The following RNLS variants were observed in gnomAD, a reference collection of about 807,000 sequenced individuals.
RNLS encodes renalase.
RNLS carries 39 observed loss-of-function variants against 39.8 expected under a neutral mutation model. The ratio of observed to expected loss-of-function variants is 0.98; its 90% CI spans 0.76 to 1.28. The LOEUF (loss-of-function observed/expected upper bound fraction) is 1.28, where lower values mean the gene tolerates loss of function less well. Among genes scored for constraint, RNLS ranks in the 50% most tolerant of loss-of-function variants. RNLS has a pLI of 0.00. For synonymous variants in RNLS, 147 were observed against 150.7 expected (o/e 0.98, Z 0.18); for missense variants, 410 against 413.3 (o/e 0.99, Z 0.07).
chr10:88,322,970 T>C lies in RNLS; in HGVS notation c.701-8329A>G, dbSNP rs77756318. Among the ~76,000 whole-genome samples, 615 of 152,208 alleles carry C rather than the reference T, an allele frequency of 4.0e-3. 3 individuals are homozygous for C. The highest frequency in any genetic ancestry group is 0.029 in the South Asian group (139 of 4,812). On this transcript the variant is annotated intron_variant, in intron 5 of 6. Transcript: ENST00000331772. ...CAAAAATAATGCACAAAAAAATCAGTTGCATTCCTATACACCAGCAACACT... is the reference window on the plus strand; with the variant it reads ...CAAAAATAATGCACAAAAAAATCAGCTGCATTCCTATACACCAGCAACACT...
At chr10:88,295,735 G>A (rs1422699961) in intron 6 of RNLS, among the ~76,000 whole-genome samples, 1 of 152,140 alleles carries the variant, frequency 6.6e-6, no homozygotes, top group Non-Finnish European at 1.5e-5. Context: ...GGCAGAATGT[G>A]CCACAAATCA....
intron 4 of RNLS, among the ~76,000 whole-genome samples, chr10:88,370,875 T>C (rs769438455): frequency 6.6e-6 from 1 of 152,142 alleles, no homozygotes; most frequent in African/African-American, 2.4e-5. Flanking sequence ...TGGAATAAAT[T>C]GAATGTTAAC....
At chr10:88,321,210 T>C (rs1846162656) in intron 5 of RNLS, among the ~76,000 whole-genome samples, 1 of 152,020 alleles carries the variant, frequency 6.6e-6, no homozygotes, top group Admixed American at 6.6e-5. Context: ...GACTTTTGGG[T>C]AAACAAAAGA....
chr10:88,248,268 T>C, the RNLS span, among the ~76,000 whole-genome samples: 1 of 152,230 alleles, frequency 6.6e-6, no homozygotes, highest in East Asian at 1.9e-4. Flanking sequence ...ATCTACCTAC[T>C]GTTCTCAAAA....
chr10:88,560,827 A>G (rs1310759458), intron 4 of RNLS, among the ~76,000 whole-genome samples: 3 of 152,066 alleles, frequency 2.0e-5, no homozygotes, highest in African/African-American at 7.2e-5. Context: ...CTACATATAG[A>G]CCATCATGGA....
chr10:88,471,145 G>T lies in RNLS; in HGVS notation c.526+101758C>A, dbSNP rs1843498474. On this transcript the variant is annotated intron_variant, in intron 4 of 6. Transcript: ENST00000331772. The stretch of plus-strand genomic sequence containing the variant: ...GGAAAATATTTAAGTAAAGCACTTA[G>T]CACAAGGCTGGAACAGAATGTGCTC... Among the ~76,000 whole-genome samples, 3 of 152,240 alleles carry T rather than the reference G, an allele frequency of 2.0e-5. No individual in the cohort carries two copies. The South Asian group carries it at 6.2e-4, about 32-fold the overall frequency.
At chr10:88,535,531 T>C (rs1250527445) in intron 4 of RNLS, among the ~76,000 whole-genome samples, 2 of 151,968 alleles carry the variant, frequency 1.3e-5, no homozygotes, top group Non-Finnish European at 2.9e-5. Context: ...CAAACCACCA[T>C]GGCACACGTT....
At chr10:88,426,919 A>G (rs1207871143) in intron 4 of RNLS, among the ~76,000 whole-genome samples, 2 of 152,164 alleles carry the variant, frequency 1.3e-5, no homozygotes, top group East Asian at 3.9e-4. Context: ...AAATGGGTGG[A>G]GTAAATTGAT....
At chr10:88,321,908 C>T (rs1414893887) in intron 5 of RNLS, among the ~76,000 whole-genome samples, 1 of 152,174 alleles carries the variant, frequency 6.6e-6, no homozygotes, top group African/African-American at 2.4e-5. Flanking sequence ...CTCAATGAAA[C>T]GATTCCAAAA....
chr10:88,171,741 G>A, the RNLS span, among the ~76,000 whole-genome samples: 2 of 152,020 alleles, frequency 1.3e-5, no homozygotes, highest in African/African-American at 2.4e-5. Context: ...ATGAATTATT[G>A]TTAACTATAA....
intron 3 of RNLS, among the ~76,000 whole-genome samples, chr10:88,581,182 T>A (rs898670716): frequency 2.0e-5 from 3 of 151,646 alleles, no homozygotes; most frequent in Admixed American, 2.0e-4. Context: ...GATATGAAAA[T>A]AGATCCAAGA....
intron 4 of RNLS, among the ~76,000 whole-genome samples, chr10:88,453,993 A>T (rs1842484379): frequency 6.6e-6 from 1 of 152,216 alleles, no homozygotes; most frequent in Non-Finnish European, 1.5e-5. Flanking sequence ...TGGCAATATC[A>T]ATTTCACAGA....
intron 4 of RNLS, among the ~76,000 whole-genome samples, chr10:88,416,220 TTATATA>T (rs1007425786): frequency 6.7e-5 from 10 of 148,268 alleles, no homozygotes; most frequent in South Asian, 2.1e-4. Flanking sequence ...TATATCTGAA[TTATATA>T]TATATATATA....
At chr10:88,263,469 A>G in the RNLS span, among the ~76,000 whole-genome samples, 1 of 152,214 alleles carries the variant, frequency 6.6e-6, no homozygotes, top group Non-Finnish European at 1.5e-5. Context: ...TGTGAAGATA[A>G]TGAGGCTGTA....
chr10:88,380,237 A>C (rs923002274), intron 4 of RNLS, among the ~76,000 whole-genome samples: 2 of 152,068 alleles, frequency 1.3e-5, no homozygotes, highest in Admixed American at 6.6e-5. Context: ...TATTTTCTGC[A>C]TATTAATCCT....
At chr10:88,417,458 T>C (rs552283145) in intron 4 of RNLS, among the ~76,000 whole-genome samples, 1 of 152,338 alleles carries the variant, frequency 6.6e-6, no homozygotes, top group East Asian at 1.9e-4. Context: ...TGGAGAATTT[T>C]TATCAGTAAA....
At chr10:88,566,295 C>A (rs547126328) in intron 4 of RNLS, among the ~76,000 whole-genome samples, 15 of 151,866 alleles carry the variant, frequency 9.9e-5, no homozygotes, top group African/African-American at 3.1e-4. Flanking sequence ...TTCTATTTTT[C>A]ATGGGTATAT....
the RNLS span, among the ~76,000 whole-genome samples, chr10:88,200,266 T>C: frequency 1.3e-5 from 2 of 152,248 alleles, no homozygotes; most frequent in East Asian, 1.9e-4. Context: ...GAATCCATGA[T>C]GTGGTAAAGG....
At chr10:88,265,552 T>C in the RNLS span, among the ~76,000 whole-genome samples, 1 of 152,128 alleles carries the variant, frequency 6.6e-6, no homozygotes, top group Non-Finnish European at 1.5e-5. Flanking sequence ...GTTTTCTTTG[T>C]AGAGGTCTTT....
Sources: gnomAD v4.1 joint callset for allele counts (sites outside exome capture counted in the v4.1 genomes callset) on GRCh38, gnomAD v4.1.1 for gene constraint, MANE v1.5 for transcripts, NCBI Gene and HGNC (gene_info 2026-07-23, HGNC 2026-07-21) for gene names.